The following LRRC4C variants were observed in gnomAD, a reference collection of about 807,000 sequenced individuals.
LRRC4C encodes the protein leucine-rich repeat-containing protein 4C.
In LRRC4C, 5 loss-of-function variants were observed where a neutral mutation model predicts 33.6. The observed-to-expected ratio is 0.15, with a 90% confidence interval of 0.08 to 0.31. The LOEUF (loss-of-function observed/expected upper bound fraction) is 0.31, where lower values mean the gene tolerates loss of function less well. Among genes scored for constraint, LRRC4C ranks in the 10% least tolerant of loss-of-function variants. The probability of loss-of-function intolerance (pLI) is 1.00; values close to 1 mark genes in which losing one functional copy is unlikely to be tolerated. For missense variants in LRRC4C, 560 were observed against 796.7 expected (o/e 0.70, Z 3.58); for synonymous variants, 329 against 302.0 (o/e 1.09, Z -0.93).
intron 1 of LRRC4C, among the ~76,000 whole-genome samples, chr11:41,006,317 A>G (rs540946997): frequency 1.6e-4 from 24 of 152,274 alleles, no homozygotes; most frequent in African/African-American, 5.1e-4. Context: ...ATAAATCACT[A>G]ATCTAAAGCT....
At chr11:40,479,249 A>G (rs1323371277) in intron 3 of LRRC4C, among the ~76,000 whole-genome samples, 1 of 152,188 alleles carries the variant, frequency 6.6e-6, no homozygotes, top group Non-Finnish European at 1.5e-5. Context: ...CCTAATTCCT[A>G]GAGTATGACA....
At chr11:40,333,086 G>T (rs1442764944) in intron 3 of LRRC4C, among the ~76,000 whole-genome samples, 1 of 152,164 alleles carries the variant, frequency 6.6e-6, no homozygotes, top group African/African-American at 2.4e-5. Flanking sequence ...GTGAGGTGTT[G>T]TGGATATTAA....
In LRRC4C at chr11:40,114,902, G is replaced by T; in HGVS notation, c.1391C>A (p.Pro464Gln). ...TGTGGTCCGTGCCTCATCCTGAGACGGTTCCATAGTCTCTACTGTGACGGT... is the reference window on the plus strand; with the variant it reads ...TGTGGTCCGTGCCTCATCCTGAGACTGTTCCATAGTCTCTACTGTGACGGT... ...FSTVTVETME[P>Q]SQDEARTTDN... The change falls in exon 7 of 7, where the codon CCG (proline) becomes CAG (glutamine). Residue 464 changes from proline to glutamine, a missense_variant. This residue lies in a region of LRRC4C where 455 missense variants were observed against 643.8 expected (regional missense o/e 0.71). Coordinates refer to ENST00000528697, the MANE Select transcript of LRRC4C (RefSeq NM_001258419.2). 6.2e-7 allele frequency: 1 copy of T among 1,614,168 alleles called. No individual in the cohort carries two copies. The highest frequency in any genetic ancestry group is 8.5e-7 in the Non-Finnish European group (1 of 1,180,036).
At chr11:41,168,622 T>C (rs1460525756) in intron 1 of LRRC4C, among the ~76,000 whole-genome samples, 3 of 152,166 alleles carry the variant, frequency 2.0e-5, no homozygotes, top group African/African-American at 7.2e-5. Context: ...GATACAGAAA[T>C]ACATGAATCC....
At chr11:41,244,798 C>T (rs1048697948) in intron 1 of LRRC4C, among the ~76,000 whole-genome samples, 3 of 152,228 alleles carry the variant, frequency 2.0e-5, no homozygotes, top group South Asian at 4.1e-4. Flanking sequence ...GAACTTTACT[C>T]GATGAGTAAG....
intron 3 of LRRC4C, among the ~76,000 whole-genome samples, chr11:40,432,989 T>C (rs899018773): frequency 6.6e-6 from 1 of 152,166 alleles, no homozygotes; most frequent in African/African-American, 2.4e-5. Flanking sequence ...TAAATGTTCC[T>C]TGTAGAAAAT....
intron 1 of LRRC4C, among the ~76,000 whole-genome samples, chr11:41,282,315 T>C (rs1949701782): frequency 6.6e-6 from 1 of 152,126 alleles, no homozygotes; most frequent in South Asian, 2.1e-4. Context: ...TTATAAAGAG[T>C]GAAGGCAGGC....
chr11:40,776,580 C>T (rs976450247), intron 2 of LRRC4C, among the ~76,000 whole-genome samples: 3 of 151,978 alleles, frequency 2.0e-5, no homozygotes, highest in Non-Finnish European at 4.4e-5. Flanking sequence ...TGGAATCTCA[C>T]ATTTGTCATT....
chr11:40,769,732 G>T (rs191164452), intron 2 of LRRC4C, among the ~76,000 whole-genome samples: 82 of 152,264 alleles, frequency 5.4e-4, no homozygotes, highest in African/African-American at 1.9e-3. Flanking sequence ...ACTGGGGAAA[G>T]AACAGTCTCT....
At chr11:41,279,093 G>T (rs1949572829) in intron 1 of LRRC4C, among the ~76,000 whole-genome samples, 1 of 152,106 alleles carries the variant, frequency 6.6e-6, no homozygotes, top group Admixed American at 6.6e-5. Flanking sequence ...ATTCACTTAG[G>T]ATAATGGCTT....
chr11:40,572,397 C>T (rs376642598), intron 3 of LRRC4C, among the ~76,000 whole-genome samples: 12 of 152,148 alleles, frequency 7.9e-5, no homozygotes, highest in South Asian at 6.2e-4. Flanking sequence ...TAATGGAGAA[C>T]GTAGGTATGT....
chr11:40,603,023 CTCTT>C (rs1271891377), intron 3 of LRRC4C, among the ~76,000 whole-genome samples: 1 of 152,058 alleles, frequency 6.6e-6, no homozygotes, highest in Non-Finnish European at 1.5e-5. Context: ...ATCAGAGTAT[CTCTT>C]TATGACTGGG....
chr11:41,167,117 T>C (rs150194102), intron 1 of LRRC4C, among the ~76,000 whole-genome samples: 3 of 152,196 alleles, frequency 2.0e-5, no homozygotes, highest in South Asian at 2.1e-4. Flanking sequence ...TATATAGATA[T>C]ATACAGATGA....
At chr11:40,751,039 C>A (rs1433691089) in intron 2 of LRRC4C, among the ~76,000 whole-genome samples, 1 of 151,614 alleles carries the variant, frequency 6.6e-6, no homozygotes, top group Non-Finnish European at 1.5e-5. Context: ...TCAGTAGATG[C>A]CGAAAAACAC....
chr11:40,684,445 T>A (rs913711538), intron 2 of LRRC4C, among the ~76,000 whole-genome samples: 1 of 151,952 alleles, frequency 6.6e-6, no homozygotes, highest in Non-Finnish European at 1.5e-5. Context: ...CACATTGAGG[T>A]AAATGCATAA....
chr11:41,332,144 T>C (rs1234760005), intron 1 of LRRC4C, among the ~76,000 whole-genome samples: 1 of 152,174 alleles, frequency 6.6e-6, no homozygotes, highest in Non-Finnish European at 1.5e-5. Context: ...AGTAAATATT[T>C]ATTGAATTGT....
intron 3 of LRRC4C, among the ~76,000 whole-genome samples, chr11:40,550,172 A>T (rs1431420133): frequency 6.6e-6 from 1 of 152,156 alleles, no homozygotes; most frequent in Non-Finnish European, 1.5e-5. Context: ...ACTCTCAATT[A>T]GTTAATATGC....
chr11:40,598,588 C>A (rs529259617), intron 3 of LRRC4C, among the ~76,000 whole-genome samples: 1 of 152,300 alleles, frequency 6.6e-6, no homozygotes, highest in Admixed American at 6.5e-5. Flanking sequence ...ATGCTCTGTG[C>A]TATCCTCACA....
intron 2 of LRRC4C, among the ~76,000 whole-genome samples, chr11:40,665,326 ATATATATAT>A (rs1319441023): frequency 3.4e-4 from 2 of 5,876 alleles, no homozygotes; most frequent in African/African-American, 8.4e-4. Context: ...AAAAAAAAAA[ATATATATAT>A]ATATATATAT....
Sources: allele counts gnomAD v4.1 joint callset (sites outside exome capture counted in the v4.1 genomes callset), GRCh38; gene constraint gnomAD v4.1.1; regional missense constraint gnomAD v4.1.1; transcripts MANE v1.5; gene names NCBI Gene and HGNC (gene_info 2026-07-23, HGNC 2026-07-21).